Variants in EPB41L3 observed in about 807,000 individuals in gnomAD.
EPB41L3 encodes the protein band 4.1-like protein 3.
Under a neutral mutation model 127.1 loss-of-function variants are expected in EPB41L3, and 57 were observed. That is an observed-to-expected ratio of 0.45 (90% CI 0.36 to 0.56). EPB41L3 has a LOEUF of 0.56. Among genes scored for constraint, EPB41L3 ranks in the 20% least tolerant of loss-of-function variants. The pLI, the probability that EPB41L3 is intolerant of heterozygous loss-of-function variation, is 0.00. For missense variants in EPB41L3, 1,273 were observed against 1,372.2 expected (o/e 0.93, Z 1.14); for synonymous variants, 572 against 549.5 (o/e 1.04, Z -0.57).
At chr18:5,524,741 T>C (rs1425728276) in intron 1 of EPB41L3, among the ~76,000 whole-genome samples, 1 of 152,178 alleles carries the variant, frequency 6.6e-6, no homozygotes, top group Non-Finnish European at 1.5e-5. Context: ...CTTTTCTCCA[T>C]CCATGGGGAA....
intron 3 of EPB41L3, among the ~76,000 whole-genome samples, chr18:5,590,427 G>C (rs1285806599): frequency 2.0e-5 from 3 of 152,184 alleles, no homozygotes; most frequent in Admixed American, 6.5e-5. Flanking sequence ...AGAGCACCTG[G>C]GACTCTCATA....
Position 5,408,932 on chromosome 18 carries a change from G to C in EPB41L3, c.2122-1196C>G, listed in dbSNP as rs541640700. ...GGGGCTTTATGCCCTTGTGCTAGAA[G>C]AGGAGACCCAGAATGAAATTCTAGG... On this transcript the variant is annotated intron_variant, in intron 14 of 22. Transcript: ENST00000341928. Among the ~76,000 whole-genome samples the C allele has an allele frequency of 2.0e-5, 3 of 152,324 alleles. No homozygotes were observed. The East Asian group carries it at 5.8e-4, about 29-fold the overall frequency.
At chr18:5,630,458 A>C, upstream of EPB41L3, 1 of 518,932 alleles carries the variant, frequency 1.9e-6, no homozygotes, top group Non-Finnish European at 3.8e-6. Flanking sequence ...GGAGAAAAAA[A>C]GTAGCGCAAG....
At chr18:5,588,622 A>G (rs576992343) in intron 3 of EPB41L3, among the ~76,000 whole-genome samples, 20 of 152,164 alleles carry the variant, frequency 1.3e-4, no homozygotes, top group Non-Finnish European at 1.9e-4. Context: ...TATTAGTCCC[A>G]TGTTCATTTT....
intron 3 of EPB41L3, among the ~76,000 whole-genome samples, chr18:5,450,825 C>T (rs1259776295): frequency 6.6e-6 from 1 of 152,174 alleles, no homozygotes; most frequent in Non-Finnish European, 1.5e-5. Flanking sequence ...GGAGTTCTTT[C>T]AGTGTAGATT....
rs141025155 is a variant in EPB41L3, at chr18:5,623,527, AAT to A, written c.-468+5393_-468+5394del. ...TCAATTTGAAGGCTATTGTATATTCAATAGTCTGGAAGCATTTTCATTCCTGA... is the reference window on the plus strand; with the variant it reads ...TCAATTTGAAGGCTATTGTATATTCAAGTCTGGAAGCATTTTCATTCCTGA... On this transcript the variant is annotated intron_variant, in intron 1 of 21. Transcript: ENST00000545076. 7.2e-3 allele frequency among the ~76,000 whole-genome samples: 1,100 copies of A among 152,286 alleles called. 12 individuals are homozygous for A. The highest frequency in any genetic ancestry group is 0.025 in the African/African-American group (1,054 of 41,550).
intron 16 of EPB41L3, among the ~76,000 whole-genome samples, chr18:5,405,114 G>A (rs2075154002): frequency 6.6e-6 from 1 of 152,184 alleles, no homozygotes; most frequent in South Asian, 2.1e-4. Flanking sequence ...GTTTGGGATT[G>A]TCATGAACAT....
At chr18:5,576,203 C>T (rs138976502) in intron 3 of EPB41L3, among the ~76,000 whole-genome samples, 106 of 152,194 alleles carry the variant, frequency 7.0e-4, no homozygotes, top group African/African-American at 2.5e-3. Flanking sequence ...GAAAATTAGA[C>T]ACTTAAAGAA....
chr18:5,527,501 T>C (rs574183962), intron 1 of EPB41L3, among the ~76,000 whole-genome samples: 2 of 152,310 alleles, frequency 1.3e-5, no homozygotes, highest in Admixed American at 1.3e-4. Context: ...CCTACAGAAG[T>C]GCTGAGCAGT....
At position 5,561,078 on chromosome 18, in the gene EPB41L3, C is replaced by T. The variant is rs201219484; in HGVS notation, c.-306+51262G>A. Among the ~76,000 whole-genome samples, 588 of 147,466 alleles carry T rather than the reference C, an allele frequency of 4.0e-3. 73 individuals are homozygous for T. The East Asian group carries it at 0.1, about 26-fold the overall frequency. On this transcript the variant is annotated intron_variant, in intron 3 of 21. Transcript: ENST00000545076. ...CTGCAAGCTCCGCCTCCCAGGTTCA[C>T]GCCATTCTCCTGCCTCAGCCTCCCG... is the stretch of plus-strand genomic sequence containing the variant.
In EPB41L3 at chr18:5,397,281, G is replaced by C. The variant is rs758061983; in HGVS notation, c.2618C>G (p.Ser873Trp). ...VVHASGDASY[S>W]AGDSGDAAAQ... is the part of the protein sequence containing the mutation. ...TGCAGCATCCCCGCTGTCTCCCGCC[G>C]AGTAAGAAGCATCCCCACTCGCGTG... The change falls in exon 18 of 23, where the codon TCG (serine) becomes TGG (tryptophan). Residue 873 changes from serine (S) to tryptophan (W), a missense_variant. Coordinates refer to ENST00000341928, the MANE Select transcript of EPB41L3 (RefSeq NM_012307.5). The surrounding 1 kb of genome is among the most constrained non-coding windows in gnomAD (Gnocchi z 4.1). The C allele has an allele frequency of 1.3e-5, 21 of 1,614,056 alleles. No individual in the cohort carries two copies. Among genetic ancestry groups the C allele is most frequent in the Non-Finnish European group, 1.8e-5 (21 of 1,180,038 alleles).
intron 3 of EPB41L3, among the ~76,000 whole-genome samples, chr18:5,584,629 T>C (rs753544222): frequency 6.6e-6 from 1 of 152,160 alleles, no homozygotes; most frequent in Non-Finnish European, 1.5e-5. Flanking sequence ...AAGAAAAGAC[T>C]AAACAAAAAG....
intron 6 of EPB41L3, among the ~76,000 whole-genome samples, chr18:5,435,864 C>G (rs994341953): frequency 6.6e-6 from 1 of 152,044 alleles, no homozygotes; most frequent in Non-Finnish European, 1.5e-5. Flanking sequence ...TTTATAATAA[C>G]ACAATTTCTC....
At chr18:5,596,220 C>T (rs1027580582) in intron 3 of EPB41L3, among the ~76,000 whole-genome samples, 5 of 152,150 alleles carry the variant, frequency 3.3e-5, no homozygotes, top group African/African-American at 1.2e-4. Context: ...CTAGCGATCA[C>T]ATCAGAGGGC....
chr18:5,616,642 C>T (rs901420951), intron 1 of EPB41L3, among the ~76,000 whole-genome samples: 5 of 152,134 alleles, frequency 3.3e-5, no homozygotes, highest in African/African-American at 1.2e-4. Flanking sequence ...GAGAACGTCA[C>T]CAATGTGGTT....
At chr18:5,568,969 G>C (rs1181006361) in intron 3 of EPB41L3, among the ~76,000 whole-genome samples, 1 of 152,148 alleles carries the variant, frequency 6.6e-6, no homozygotes, top group Non-Finnish European at 1.5e-5. Flanking sequence ...ATTTAATGCT[G>C]GTTATGCAGT....
chr18:5,520,079 C>T (rs1449296323), intron 1 of EPB41L3, among the ~76,000 whole-genome samples: 1 of 152,082 alleles, frequency 6.6e-6, no homozygotes, highest in Admixed American at 6.5e-5. Context: ...ATACAGTAAT[C>T]GACAACAATT....
intron 4 of EPB41L3, among the ~76,000 whole-genome samples, chr18:5,444,115 T>C (rs2081156911): frequency 6.6e-6 from 1 of 152,198 alleles, no homozygotes; most frequent in Non-Finnish European, 1.5e-5. Flanking sequence ...AAAAGTCTTT[T>C]TCTTTTATAA....
rs529920758 is a variant in EPB41L3, at chr18:5,534,025, T to C, written c.-12+9888A>G. 2.0e-5 allele frequency among the ~76,000 whole-genome samples: 3 copies of C among 152,110 alleles called. No homozygotes were observed. In the East Asian group the frequency reaches 5.8e-4, roughly 30 times the overall value. ...TAAAATACAAAAAATTAGCAAGGCG[T>C]GGTGGCGGGCGCCTGTAGTCCCAGC... On this transcript the variant is annotated intron_variant, in intron 1 of 22. Transcript: ENST00000341928.
Sources: gnomAD v4.1 joint callset for allele counts (sites outside exome capture counted in the v4.1 genomes callset) on GRCh38, gnomAD v4.1.1 for gene constraint, Gnocchi (gnomAD v3.1) non-coding constraint, MANE v1.5 for transcripts, NCBI Gene and HGNC (gene_info 2026-07-23, HGNC 2026-07-21) for gene names.